The following KLHDC10 variants were observed in gnomAD, a reference collection of about 807,000 sequenced individuals.
KLHDC10 encodes the protein kelch domain-containing protein 10.
Under a neutral mutation model 56.1 loss-of-function variants are expected in KLHDC10, and 24 were observed. The ratio of observed to expected loss-of-function variants is 0.43; its 90% CI spans 0.31 to 0.60. The LOEUF is 0.60. KLHDC10 is among the 20% of genes least tolerant of loss of function. KLHDC10 has a pLI of 0.11. For synonymous variants in KLHDC10, 188 were observed against 207.1 expected, an observed-to-expected ratio of 0.91 and a Z score of 0.79; for missense variants, 349 against 567.0, an observed-to-expected ratio of 0.62 and a Z score of 3.91.
intron 1 of KLHDC10, among the ~76,000 whole-genome samples, chr7:130,090,055 A>AT (rs947243106): frequency 3.3e-5 from 5 of 151,260 alleles, no homozygotes; most frequent in African/African-American, 1.2e-4. Context: ...CTAATTTTGT[A>AT]TTTTTTTTAG....
chr7:130,104,552 A>T (rs1290774242), intron 2 of KLHDC10, among the ~76,000 whole-genome samples: 1 of 152,204 alleles, frequency 6.6e-6, no homozygotes, highest in Non-Finnish European at 1.5e-5. Flanking sequence ...GGTGTTCTTA[A>T]TCTGTTCTTG....
rs548226223 is a variant in KLHDC10 at position 130,077,854 on chromosome 7, C to T, written c.166+7045C>T. Among the ~76,000 whole-genome samples, 4 of 151,872 alleles carry T rather than the reference C, an allele frequency of 2.6e-5. No individual in the cohort carries two copies. In the South Asian group the frequency reaches 8.3e-4, roughly 32 times the overall value. On this transcript the variant is annotated intron_variant, in intron 1 of 9. Coordinates refer to ENST00000335420, the MANE Select transcript of KLHDC10 (RefSeq NM_014997.4). ...ACAGACGAGAGCCACCGCGCCCGGCCGGGGTTTCTACTTTCTTTTATAACT... is the reference window on the plus strand; with the variant it reads ...ACAGACGAGAGCCACCGCGCCCGGCTGGGGTTTCTACTTTCTTTTATAACT...
Position 130,121,040 on chromosome 7 carries a change from C to T in KLHDC10, c.630+137C>T, listed in dbSNP as rs780423247. ...GTGGTTAGTACTTGATTTTTTAGTTCTGATATGAAATTATAATTTGCAAAT... is the reference window on the plus strand; with the variant it reads ...GTGGTTAGTACTTGATTTTTTAGTTTTGATATGAAATTATAATTTGCAAAT... On this transcript the variant is annotated intron_variant, in intron 4 of 9. Coordinates refer to ENST00000335420, the MANE Select transcript of KLHDC10 (RefSeq NM_014997.4). 9.1e-5 allele frequency: 73 copies of T among 805,294 alleles called. No homozygotes were observed. The Admixed American group carries it at 9.9e-4, about 11-fold the overall frequency. 49.9% of individuals were successfully genotyped at this position (805,294 alleles called of 1,614,324 possible). A position where few individuals can be genotyped will look rare whatever the true frequency, so the allele number is the denominator to read the frequency against.
At chr7:130,097,404 T>C (rs1432420774) in intron 2 of KLHDC10, among the ~76,000 whole-genome samples, 1 of 152,014 alleles carries the variant, frequency 6.6e-6, no homozygotes, top group Non-Finnish European at 1.5e-5. Flanking sequence ...AAACCTCTTA[T>C]GTCAAATGTC....
intron 1 of KLHDC10, among the ~76,000 whole-genome samples, chr7:130,079,664 G>A (rs1223709202): frequency 6.6e-6 from 1 of 151,776 alleles, no homozygotes; most frequent in Non-Finnish European, 1.5e-5. Flanking sequence ...TTTTTATTGT[G>A]TTATTTTTGT....
intron 1 of KLHDC10, among the ~76,000 whole-genome samples, 156 bp downstream of exon 1, chr7:130,070,965 A>G (rs1433802279): frequency 6.6e-6 from 1 of 152,158 alleles, no homozygotes; most frequent in Non-Finnish European, 1.5e-5. Flanking sequence ...GGTGTCTTTG[A>G]GGTCAGGGAG....
chr7:130,094,630 G>T (rs1563099791), intron 1 of KLHDC10, among the ~76,000 whole-genome samples: 1 of 151,612 alleles, frequency 6.6e-6, no homozygotes, highest in Non-Finnish European at 1.5e-5. Flanking sequence ...TACTAAAATG[G>T]TATCATACTT....
intron 2 of KLHDC10, among the ~76,000 whole-genome samples, chr7:130,103,092 C>G (rs1319170772): frequency 1.3e-5 from 2 of 152,168 alleles, no homozygotes; most frequent in African/African-American, 4.8e-5. Flanking sequence ...ACAGGAGTTA[C>G]AGAAGGAAAG....
chr7:130,079,850 TTCCCTCCCTTCCTCCCTTTCTTCCTCCC>T (rs774502567), intron 1 of KLHDC10, among the ~76,000 whole-genome samples: 9 of 111,856 alleles, frequency 8.0e-5, no homozygotes, highest in Admixed American at 1.8e-4. Flanking sequence ...CGCTTCCTCC[TTCCCTCCCTTCCTCCCTTTCTTCCTCCC>T]TCCCTCCCTT....
chr7:130,107,775 C>G (rs1796029800), intron 2 of KLHDC10, among the ~76,000 whole-genome samples: 1 of 131,990 alleles, frequency 7.6e-6, no homozygotes, highest in Admixed American at 9.3e-5. Context: ...ACCCAGGAGG[C>G]AGAGGTTGCA....
intron 1 of KLHDC10, among the ~76,000 whole-genome samples, chr7:130,077,995 GAAT>G (rs1277477358): frequency 6.6e-6 from 1 of 151,946 alleles, no homozygotes; most frequent in African/African-American, 2.4e-5. Context: ...TTTTTCTAGA[GAAT>G]AACAGGTATA....
At chr7:130,129,406 G>T in intron 8 of KLHDC10, 31 bp from the exon 9 acceptor site, 2 of 1,611,364 alleles carry the variant, frequency 1.2e-6, no homozygotes, top group Non-Finnish European at 1.7e-6. Flanking sequence ...CTTTTCCTTT[G>T]TGTGATCTTG....
At chr7:130,095,013 A>C (rs1795829405) in intron 1 of KLHDC10, 1 of 152,082 alleles carries the variant, frequency 6.6e-6, no homozygotes. Flanking sequence ...TTGTATTGCT[A>C]ATTGTTTTGT....
At chr7:130,080,194 A>T (rs542385045) in intron 1 of KLHDC10, among the ~76,000 whole-genome samples, 1 of 151,968 alleles carries the variant, frequency 6.6e-6, no homozygotes, top group East Asian at 1.9e-4. Flanking sequence ...CTCTCACCTC[A>T]GCCTCCCAAA....
rs978893344 is a variant in KLHDC10 at position 130,132,117 on chromosome 7, C to T, written c.*1371C>T. On this transcript the variant is annotated 3_prime_UTR_variant, in exon 10 of 10. Coordinates refer to ENST00000335420, the MANE Select transcript of KLHDC10 (RefSeq NM_014997.4). Reference sequence around the variant, plus strand: ...CATAAATTTTCACTCGCTTTGCCATCTGGCTGCTAGGGGAGCTGAGCAAGA... The same window carrying T: ...CATAAATTTTCACTCGCTTTGCCATTTGGCTGCTAGGGGAGCTGAGCAAGA... 2.6e-5 allele frequency: 4 copies of T among 152,080 alleles called. No individual in the cohort carries two copies. Among genetic ancestry groups the T allele is most frequent in the Admixed American group, 2.0e-4 (3 of 15,278 alleles). 9.4% of individuals were successfully genotyped at this position (152,080 alleles called of 1,614,324 possible). A position where few individuals can be genotyped will look rare whatever the true frequency, so the allele number is the denominator to read the frequency against.
chr7:130,107,593 C>T (rs186991778), intron 2 of KLHDC10, among the ~76,000 whole-genome samples: 3 of 152,022 alleles, frequency 2.0e-5, no homozygotes, highest in Admixed American at 6.6e-5. Context: ...CCTGTAATCC[C>T]AGCGCTTTGG....
In KLHDC10 at chr7:130,130,186, G is replaced by A. The variant is rs1251080745; in HGVS notation, c.1120-351G>A. ...CAAAAAAAAATTAGCCGGACGTGGTGGCGCGTGCCTGTATTCCCAGCTACT... is the reference window on the plus strand; with the variant it reads ...CAAAAAAAAATTAGCCGGACGTGGTAGCGCGTGCCTGTATTCCCAGCTACT... On this transcript the variant is annotated intron_variant, in intron 9 of 9. Transcript: ENST00000335420. The surrounding 1 kb of genome is among the most constrained non-coding windows in gnomAD (Gnocchi z 4.2). Among the ~76,000 whole-genome samples, 1 of 151,874 alleles carries A rather than the reference G, an allele frequency of 6.6e-6. No homozygotes were observed. The highest frequency in any genetic ancestry group is 1.5e-5 in the Non-Finnish European group (1 of 67,980).
At chr7:130,125,743 A>G in intron 6 of KLHDC10, 122 bp from the exon 7 acceptor site, 1 of 711,090 alleles carries the variant, frequency 1.4e-6, no homozygotes, top group Non-Finnish European at 2.4e-6. Context: ...CCTTCTGCTC[A>G]GTTTTGCTGT....
rs1554468213 is a variant in KLHDC10 at position 130,128,889 on chromosome 7, A to AATATAT, written c.980-522_980-517dup. Among the ~76,000 whole-genome samples, 130 of 66,930 alleles carry AATATAT rather than the reference A, an allele frequency of 1.9e-3. 7 individuals are homozygous for AATATAT. Among genetic ancestry groups the AATATAT allele is most frequent in the East Asian group, 9.3e-3 (31 of 3,332 alleles). The allele number at this position is 66,930 out of a possible 152,430, so 43.9% of individuals were successfully genotyped here. On this transcript the variant is annotated intron_variant, in intron 8 of 9. Transcript: ENST00000335420. ...ACCTTGTCTCTTAAAAAAAAAAAAA[A>AATATAT]ATATATATATATATATATATATATA...
Sources: allele counts gnomAD v4.1 joint callset (sites outside exome capture counted in the v4.1 genomes callset), GRCh38; gene constraint gnomAD v4.1.1; non-coding constraint Gnocchi (gnomAD v3.1); transcripts MANE v1.5; gene names NCBI Gene and HGNC (gene_info 2026-07-23, HGNC 2026-07-21).